TAAR6: variants seen among roughly 807,000 people sequenced by gnomAD.
TAAR6 encodes the protein trace amine-associated receptor 6.
TAAR6 carries 15 observed loss-of-function variants against 18.4 expected under a neutral mutation model. That is an observed-to-expected ratio of 0.82 (90% confidence interval 0.55 to 1.26). The LOEUF (loss-of-function observed/expected upper bound fraction) is 1.26. Ranked by LOEUF, TAAR6 falls within the 50% of genes most tolerant of loss-of-function variation. The pLI is 0.00. For missense variants in TAAR6, 501 were observed against 415.9 expected (o/e 1.20, Z -1.78); for synonymous variants, 192 against 162.4 (o/e 1.18, Z -1.39).
rs752050565 is a variant in TAAR6 at position 132,571,236 on chromosome 6, C to T, written c.915C>T (p.Ala305=). 2.2e-5 allele frequency: 36 copies of T among 1,613,930 alleles called. No individual in the cohort carries two copies. The highest frequency in any genetic ancestry group is 3.0e-5 in the Non-Finnish European group (35 of 1,179,994). Residue 305 remains alanine (A), a synonymous_variant, in exon 1 of 1, where the codon GCC becomes GCT. Coordinates refer to ENST00000275198, the MANE Select transcript of TAAR6 (RefSeq NM_175067.1). The stretch of plus-strand genomic sequence containing the variant: ...GTTGGTGTGCTTATTATAACTCAGC[C>T]ATGAATCCTTTGATTTATGCTTTAT... ...ICCWCAYYNS[A]MNPLIYALFY... is the part of the protein sequence containing the mutation.
At position 132,570,343 on chromosome 6, in the gene TAAR6, C is replaced by G; in HGVS notation, c.22C>G (p.Leu8Val). The G allele has an allele frequency of 6.2e-7, 1 of 1,610,916 alleles. No homozygotes were observed. The highest frequency in any genetic ancestry group is 8.5e-7 in the Non-Finnish European group (1 of 1,177,320). ...CGTTATGAGCAGCAATTCATCCCTG[C>G]TGGTGGCTGTGCAGCTGTGCTACGC... MSSNSSLLVAVQLCYANV... is the reference protein window; with the variant it reads MSSNSSLVVAVQLCYANV... Residue 8 changes from leucine (L) to valine (V), a missense_variant, in exon 1 of 1, where the codon CTG becomes GTG. Physicochemically the swap from Leu to Val is conservative, Grantham distance 32. Transcript: ENST00000275198.
At position 132,570,405 on chromosome 6, in the gene TAAR6, G is replaced by A; in HGVS notation, c.84G>A (p.Ser28=). 5 of 1,614,026 alleles carry A rather than the reference G, an allele frequency of 3.1e-6. No homozygotes were observed. The highest frequency in any genetic ancestry group is 4.2e-6 in the Non-Finnish European group (5 of 1,179,960). Reference sequence around the variant, plus strand: ...GGTCCTGTGTGAAAATCCCCTTCTCGCCGGGATCCCGGGTGATTCTGTACA... The same window carrying A: ...GGTCCTGTGTGAAAATCCCCTTCTCACCGGGATCCCGGGTGATTCTGTACA... The part of the protein sequence containing the change: ...VNGSCVKIPF[S]PGSRVILYIV... Residue 28 remains serine, a synonymous_variant, in exon 1 of 1, where the codon TCG becomes TCA. Coordinates refer to ENST00000275198, the MANE Select transcript of TAAR6 (RefSeq NM_175067.1).
rs1776643224 is a variant in TAAR6, at chr6:132,571,284, A to C, written c.963A>C (p.Ala321=). 1.2e-6 allele frequency: 2 copies of C among 1,614,082 alleles called. No individual in the cohort carries two copies. The highest frequency in any genetic ancestry group is 2.2e-5 in the South Asian group (2 of 91,072). ...TATTTTACCCATGGTTTAGGAAAGC[A>C]ATAAAAGTTATTGTAACTGGTCAGG... The part of the protein sequence containing the change: ...YALFYPWFRK[A]IKVIVTGQVL... The change falls in exon 1 of 1, where the codon GCA becomes GCC. Residue 321 remains alanine, a synonymous_variant. Coordinates refer to ENST00000275198, the MANE Select transcript of TAAR6 (RefSeq NM_175067.1).
chr6:132,571,258 T>A lies in TAAR6; in HGVS notation c.937T>A (p.Leu313Ile), dbSNP rs370983817. 1 of 1,614,124 alleles carries A rather than the reference T, an allele frequency of 6.2e-7. No individual in the cohort carries two copies. Reference sequence around the variant, plus strand: ...AGCCATGAATCCTTTGATTTATGCTTTATTTTACCCATGGTTTAGGAAAGC... The same window carrying A: ...AGCCATGAATCCTTTGATTTATGCTATATTTTACCCATGGTTTAGGAAAGC... ...NSAMNPLIYA[L>I]FYPWFRKAIK... The change falls in exon 1 of 1, where the codon TTA (leucine) becomes ATA (isoleucine). Residue 313 changes from leucine to isoleucine, a missense_variant. Coordinates refer to ENST00000275198, the MANE Select transcript of TAAR6 (RefSeq NM_175067.1).
Position 132,571,016 on chromosome 6 carries a change from A to G in TAAR6, c.695A>G (p.Glu232Gly). Reference protein sequence around the residue: ...LVARRQAKKIENTGSKTESSS... With the variant: ...LVARRQAKKIGNTGSKTESSS... ...GCTAGACGACAGGCGAAAAAGATAG[A>G]AAATACTGGTAGCAAGACAGAATCA... Residue 232 changes from glutamate to glycine, a missense_variant, in exon 1 of 1, where the codon GAA (glutamate) becomes GGA (glycine). Transcript: ENST00000275198. The G allele has an allele frequency of 3.1e-6, 5 of 1,614,136 alleles. No homozygotes were observed. The highest frequency in any genetic ancestry group is 2.5e-6 in the Non-Finnish European group (3 of 1,180,008).
Position 132,571,284 on chromosome 6 carries a change from A to G in TAAR6, c.963A>G (p.Ala321=). 1 of 1,614,082 alleles carries G rather than the reference A, an allele frequency of 6.2e-7. No homozygotes were observed. Among genetic ancestry groups the G allele is most frequent in the Non-Finnish European group, 8.5e-7 (1 of 1,179,964 alleles). The change falls in exon 1 of 1, where the codon GCA becomes GCG. Residue 321 remains alanine, a synonymous_variant. Transcript: ENST00000275198. ...TATTTTACCCATGGTTTAGGAAAGC[A>G]ATAAAAGTTATTGTAACTGGTCAGG... ...YALFYPWFRK[A]IKVIVTGQVL... is the part of the protein sequence containing the mutation.
rs201665061 is a variant in TAAR6, at chr6:132,570,898, G to A, written c.577G>A (p.Val193Ile). 6.1e-5 allele frequency: 99 copies of A among 1,614,014 alleles called. No homozygotes were observed. The African/African-American group carries it at 7.2e-4, about 12-fold the overall frequency. ...ALNCIGGCQT[V>I]VNQNWVLTDF... ...AAACTGTATAGGAGGTTGTCAGACC[G>A]TTGTAAATCAAAACTGGGTGTTGAC... The change falls in exon 1 of 1, where the codon GTT becomes ATT. Residue 193 changes from valine to isoleucine, a missense_variant. Transcript: ENST00000275198.
chr6:132,570,986 T>C lies in TAAR6; in HGVS notation c.665T>C (p.Leu222Pro). 1.2e-6 allele frequency: 2 copies of C among 1,614,110 alleles called. No homozygotes were observed. The highest frequency in any genetic ancestry group is 1.7e-6 in the Non-Finnish European group (2 of 1,180,006). ...ATAATTCTGTATGGTAACATATTTCTTGTGGCTAGACGACAGGCGAAAAAG... is the reference window on the plus strand; with the variant it reads ...ATAATTCTGTATGGTAACATATTTCCTGTGGCTAGACGACAGGCGAAAAAG... ...IMIILYGNIF[L>P]VARRQAKKIE... The change falls in exon 1 of 1, where the codon CTT (leucine) becomes CCT (proline). Residue 222 changes from leucine (L) to proline (P), a missense_variant. Leu to Pro is a moderately conservative substitution (Grantham distance 98). Coordinates refer to ENST00000275198, the MANE Select transcript of TAAR6 (RefSeq NM_175067.1).
chr6:132,570,572 C>T lies in TAAR6; in HGVS notation c.251C>T (p.Thr84Ile). 6.2e-7 allele frequency: 1 copy of T among 1,614,110 alleles called. No homozygotes were observed. Among genetic ancestry groups the T allele is most frequent in the East Asian group, 2.2e-5 (1 of 44,878 alleles). The change falls in exon 1 of 1, where the codon ACT becomes ATT. Residue 84 changes from threonine to isoleucine, a missense_variant. Physicochemically the swap from Thr to Ile is moderately conservative, Grantham distance 89 (BLOSUM62 -1). Transcript: ENST00000275198. ...TGCGCTGATTTCTTGGTGGGTGTGACTGTGATGCCCTTCAGCATGGTCAGG... is the reference window on the plus strand; with the variant it reads ...TGCGCTGATTTCTTGGTGGGTGTGATTGTGATGCCCTTCAGCATGGTCAGG... ...LACADFLVGV[T>I]VMPFSMVRTV...
Position 132,571,125 on chromosome 6 carries a change from G to A in TAAR6, c.804G>A (p.Met268Ile). The A allele has an allele frequency of 6.2e-7, 1 of 1,614,024 alleles. No homozygotes were observed. The highest frequency in any genetic ancestry group is 8.5e-7 in the Non-Finnish European group (1 of 1,179,958). The change falls in exon 1 of 1, where the codon ATG becomes ATA. Residue 268 changes from methionine (M) to isoleucine (I), a missense_variant. Transcript: ENST00000275198. ...KTLGVTVVAF[M>I]ISWLPYSIDS... ...TGGGGGTCACAGTGGTAGCATTTAT[G>A]ATTTCATGGTTACCATATAGCATTG...
chr6:132,570,369 G>T lies in TAAR6; in HGVS notation c.48G>T (p.Ala16=). The T allele has an allele frequency of 6.2e-7, 1 of 1,613,940 alleles. No individual in the cohort carries two copies. Among genetic ancestry groups the T allele is most frequent in the East Asian group, 2.2e-5 (1 of 44,870 alleles). ...TGGTGGCTGTGCAGCTGTGCTACGC[G>T]AACGTGAATGGGTCCTGTGTGAAAA... ...SLLVAVQLCY[A]NVNGSCVKIP... Residue 16 remains alanine, a synonymous_variant, in exon 1 of 1, where the codon GCG becomes GCT. Coordinates refer to ENST00000275198, the MANE Select transcript of TAAR6 (RefSeq NM_175067.1).
At position 132,570,933 on chromosome 6, in the gene TAAR6, A is replaced by C; in HGVS notation, c.612A>C (p.Leu204=). 1 of 1,614,140 alleles carries C rather than the reference A, an allele frequency of 6.2e-7. No homozygotes were observed. Among genetic ancestry groups the C allele is most frequent in the African/African-American group, 1.3e-5 (1 of 75,036 alleles). ...AAAACTGGGTGTTGACAGATTTTCT[A>C]TCCTTCTTTATACCTACCTTTATTA... The part of the protein sequence containing the change: ...VNQNWVLTDF[L]SFFIPTFIMI... The change falls in exon 1 of 1, where the codon CTA becomes CTC. Residue 204 remains leucine (L), a synonymous_variant. Coordinates refer to ENST00000275198, the MANE Select transcript of TAAR6 (RefSeq NM_175067.1).
rs1020131556 is a variant in TAAR6 at position 132,570,545 on chromosome 6, C to T, written c.224C>T (p.Ala75Val). The T allele has an allele frequency of 1.2e-6, 2 of 1,613,836 alleles. No individual in the cohort carries two copies. Among genetic ancestry groups the T allele is most frequent in the African/African-American group, 2.7e-5 (2 of 74,844 alleles). ...ACCAATTTTCTCGTTGCCTCTCTGGCCTGCGCTGATTTCTTGGTGGGTGTG... is the reference window on the plus strand; with the variant it reads ...ACCAATTTTCTCGTTGCCTCTCTGGTCTGCGCTGATTTCTTGGTGGGTGTG... ...SPTNFLVASL[A>V]CADFLVGVTV... The change falls in exon 1 of 1, where the codon GCC (alanine) becomes GTC (valine). Residue 75 changes from alanine (A) to valine (V), a missense_variant. Physicochemically the swap from Ala to Val is moderately conservative, Grantham distance 64. Transcript: ENST00000275198.
rs1342599231 is a variant in TAAR6 at position 132,570,995 on chromosome 6, G to C, written c.674G>C (p.Arg225Thr). The part of the protein sequence containing the change: ...ILYGNIFLVA[R>T]RQAKKIENTG... Reference sequence around the variant, plus strand: ...TATGGTAACATATTTCTTGTGGCTAGACGACAGGCGAAAAAGATAGAAAAT... The same window carrying C: ...TATGGTAACATATTTCTTGTGGCTACACGACAGGCGAAAAAGATAGAAAAT... The change falls in exon 1 of 1, where the codon AGA becomes ACA. Residue 225 changes from arginine to threonine, a missense_variant. By Grantham distance (71) the Arg-to-Thr change is moderately conservative. Coordinates refer to ENST00000275198, the MANE Select transcript of TAAR6 (RefSeq NM_175067.1). 1 of 1,613,874 alleles carries C rather than the reference G, an allele frequency of 6.2e-7. No individual in the cohort carries two copies. The highest frequency in any genetic ancestry group is 8.5e-7 in the Non-Finnish European group (1 of 1,179,992).
Position 132,570,657 on chromosome 6 carries a change from T to A in TAAR6, c.336T>A (p.Asp112Glu). 1 of 1,614,158 alleles carries A rather than the reference T, an allele frequency of 6.2e-7. No individual in the cohort carries two copies. Among genetic ancestry groups the A allele is most frequent in the Non-Finnish European group, 8.5e-7 (1 of 1,180,004 alleles). The change falls in exon 1 of 1, where the codon GAT becomes GAA. Residue 112 changes from aspartate (D) to glutamate (E), a missense_variant. By Grantham distance (45) the Asp-to-Glu change is conservative. Coordinates refer to ENST00000275198, the MANE Select transcript of TAAR6 (RefSeq NM_175067.1). The part of the protein sequence containing the change: ...RSFCTFHTCC[D>E]VAFCYSSLFH... The stretch of plus-strand genomic sequence containing the variant: ...TTTGTACTTTCCACACCTGCTGTGA[T>A]GTGGCATTTTGTTACTCTTCTCTCT...
chr6:132,570,751 T>C lies in TAAR6; in HGVS notation c.430T>C (p.Phe144Leu), dbSNP rs200184006. 6.2e-7 allele frequency: 1 copy of C among 1,614,174 alleles called. No homozygotes were observed. Residue 144 changes from phenylalanine to leucine, a missense_variant, in exon 1 of 1, where the codon TTC becomes CTC. Coordinates refer to ENST00000275198, the MANE Select transcript of TAAR6 (RefSeq NM_175067.1). The stretch of plus-strand genomic sequence containing the variant: ...TGACCCCCTGGTCTATCCTACCAAG[T>C]TCACCGTATCTGTGTCAGGAATTTG... The part of the protein sequence containing the change: ...VTDPLVYPTK[F>L]TVSVSGICIS...
Position 132,570,746 on chromosome 6 carries a change from C to T in TAAR6, c.425C>T (p.Thr142Ile), listed in dbSNP as rs1000808578. 6.2e-7 allele frequency: 1 copy of T among 1,614,126 alleles called. No homozygotes were observed. The highest frequency in any genetic ancestry group is 8.5e-7 in the Non-Finnish European group (1 of 1,179,992). ...IAVTDPLVYP[T>I]KFTVSVSGIC... is the part of the protein sequence containing the mutation. ...GTTACTGACCCCCTGGTCTATCCTA[C>T]CAAGTTCACCGTATCTGTGTCAGGA... The change falls in exon 1 of 1, where the codon ACC becomes ATC. Residue 142 changes from threonine (T) to isoleucine (I), a missense_variant. Transcript: ENST00000275198.
In TAAR6 at chr6:132,570,624, G is replaced by T; in HGVS notation, c.303G>T (p.Gly101=). The T allele has an allele frequency of 6.2e-7, 1 of 1,614,100 alleles. No homozygotes were observed. The highest frequency in any genetic ancestry group is 8.5e-7 in the Non-Finnish European group (1 of 1,180,010). ...VRTVESCWYF[G]RSFCTFHTCC... ...CGGTGGAGAGCTGCTGGTATTTTGGGAGGAGTTTTTGTACTTTCCACACCT... is the reference window on the plus strand; with the variant it reads ...CGGTGGAGAGCTGCTGGTATTTTGGTAGGAGTTTTTGTACTTTCCACACCT... The change falls in exon 1 of 1, where the codon GGG becomes GGT. Residue 101 remains glycine, a synonymous_variant. Coordinates refer to ENST00000275198, the MANE Select transcript of TAAR6 (RefSeq NM_175067.1).
Position 132,570,453 on chromosome 6 carries a change from G to A in TAAR6, c.132G>A (p.Val44=). ...ACATAGTGTTTGGCTTTGGGGCTGT[G>A]CTGGCTGTGTTTGGAAACCTCCTGG... ...ILYIVFGFGA[V]LAVFGNLLVM... Residue 44 remains valine, a synonymous_variant, in exon 1 of 1, where the codon GTG becomes GTA. Coordinates refer to ENST00000275198, the MANE Select transcript of TAAR6 (RefSeq NM_175067.1). The A allele has an allele frequency of 1.9e-6, 3 of 1,614,034 alleles. No homozygotes were observed. The highest frequency in any genetic ancestry group is 2.5e-6 in the Non-Finnish European group (3 of 1,179,986).
Sources: allele counts gnomAD v4.1 joint callset, GRCh38; gene constraint gnomAD v4.1.1; transcripts MANE v1.5; gene names NCBI Gene and HGNC (gene_info 2026-07-23, HGNC 2026-07-21).